TBCD: variants seen among roughly 807,000 people sequenced by gnomAD.
The protein encoded by TBCD is tubulin-specific chaperone D.
TBCD carries 105 observed loss-of-function variants against 169.3 expected under a neutral mutation model. That is an observed-to-expected ratio of 0.62 (90% CI 0.53 to 0.73). The LOEUF (loss-of-function observed/expected upper bound fraction) is 0.73. TBCD is among the 30% of genes least tolerant of loss of function. The pLI, the probability that TBCD is intolerant of heterozygous loss-of-function variation, is 0.00. For synonymous variants in TBCD, 700 were observed against 643.9 expected, an observed-to-expected ratio of 1.09 and a Z score of -1.32; for missense variants, 1,444 against 1,600.1, an observed-to-expected ratio of 0.90 and a Z score of 1.66.
intron 13 of TBCD, among the ~76,000 whole-genome samples, chr17:82,846,325 G>GTCCCCTGTGCTA (rs2055101768): frequency 1.4e-5 from 1 of 71,618 alleles, no homozygotes; most frequent in Admixed American, 1.6e-4. Flanking sequence ...CCAGCGTGCC[G>GTCCCCTGTGCTA]TGTCCTCTCG....
chr17:82,785,137 A>G (rs1438117678), intron 7 of TBCD, among the ~76,000 whole-genome samples: 3 of 95,996 alleles, frequency 3.1e-5, no homozygotes, highest in African/African-American at 5.1e-5. Flanking sequence ...ACTGGACCCC[A>G]CCCATCGCAG....
chr17:82,818,042 A>C (rs963851098), intron 13 of TBCD, among the ~76,000 whole-genome samples: 6 of 152,190 alleles, frequency 3.9e-5, no homozygotes, highest in Admixed American at 6.5e-5. Flanking sequence ...AAGAGACTCT[A>C]CTGGCTTGTG....
intron 20 of TBCD, 73 bp from the exon 21 acceptor site, chr17:82,907,688 C>T (rs2060346571): frequency 9.0e-6 from 14 of 1,550,642 alleles, no homozygotes; most frequent in Non-Finnish European, 1.2e-5. Flanking sequence ...AGTGTGGCCT[C>T]AGCTCCTCCG....
chr17:82,789,723 C>G lies in TBCD; in HGVS notation c.771+8002C>G, dbSNP rs1490937615. On this transcript the variant is annotated intron_variant, in intron 7 of 38. Coordinates refer to ENST00000355528, the MANE Select transcript of TBCD (RefSeq NM_005993.5). This position sits in a 1 kb window ranked among gnomAD's most constrained non-coding sequence, Gnocchi z 4.8. ...TTGGTCCTGGCTGTTGATATCTCAG[C>G]TCTGATTCACCCTTGACCTTTATTA... Among the ~76,000 whole-genome samples the G allele has an allele frequency of 6.6e-6, 1 of 152,232 alleles. No homozygotes were observed. The highest frequency in any genetic ancestry group is 1.5e-5 in the Non-Finnish European group (1 of 68,038).
chr17:82,932,897 C>G (rs1291047976), intron 34 of TBCD, 162 bp downstream of exon 34: 13 of 648,914 alleles, frequency 2.0e-5, no homozygotes, highest in Non-Finnish European at 3.5e-5. Flanking sequence ...ACAGCTGGCC[C>G]TCAAAATAAC....
chr17:82,755,997 C>G (rs1297891260), intron 1 of TBCD, among the ~76,000 whole-genome samples, 168 bp from the exon 2 acceptor site: 3 of 152,088 alleles, frequency 2.0e-5, no homozygotes, highest in Non-Finnish European at 4.4e-5. Flanking sequence ...GGCATTCCCT[C>G]CAGGTGGCCT....
intron 17 of TBCD, among the ~76,000 whole-genome samples, chr17:82,894,806 G>A (rs1599308819): frequency 1.3e-5 from 2 of 152,102 alleles, no homozygotes; most frequent in South Asian, 2.1e-4. Flanking sequence ...GTGAAACCCC[G>A]TGAATACTAA....
chr17:82,872,863 T>C (rs538691469), intron 14 of TBCD, among the ~76,000 whole-genome samples: 1 of 152,302 alleles, frequency 6.6e-6, no homozygotes, highest in East Asian at 1.9e-4. Flanking sequence ...GCCGAAGGCT[T>C]CTGAGCCAGG....
Position 82,944,599 on chromosome 17 carries a change from G to T in TBCD, c.*2136G>T, listed in dbSNP as rs147535107. 1 of 152,336 alleles carries T rather than the reference G, an allele frequency of 6.6e-6. No individual in the cohort carries two copies. Among genetic ancestry groups the T allele is most frequent in the African/African-American group, 2.4e-5 (1 of 41,578 alleles). 9.4% of individuals were successfully genotyped at this position (152,336 alleles called of 1,614,324 possible). A position where few individuals can be genotyped will look rare whatever the true frequency, so the allele number is the denominator to read the frequency against. On this transcript the variant is annotated 3_prime_UTR_variant, in exon 39 of 39. Coordinates refer to ENST00000355528, the MANE Select transcript of TBCD (RefSeq NM_005993.5). ...GAGGTCCAGACTGTGTCCAATGGCA[G>T]AAAAGAGAATGCTTGTGGTCCCAGA...
intron 13 of TBCD, among the ~76,000 whole-genome samples, chr17:82,855,032 C>T (rs1035105238): frequency 1.2e-4 from 19 of 152,012 alleles, no homozygotes; most frequent in East Asian, 1.9e-4. Flanking sequence ...ATTGGGGCGT[C>T]GCATCTCCCT....
In TBCD at chr17:82,915,591, A is replaced by T. The variant is rs1463951839; in HGVS notation, c.2038+3802A>T. Among the ~76,000 whole-genome samples, 1 of 152,208 alleles carries T rather than the reference A, an allele frequency of 6.6e-6. No individual in the cohort carries two copies. The highest frequency in any genetic ancestry group is 2.4e-5 in the African/African-American group (1 of 41,462). ...GCGATGAAGGAGGGGTTTGTCAGTC[A>T]GGGTGGACTGCGTTTTGCTCTTGAA... On this transcript the variant is annotated intron_variant, in intron 23 of 38. Transcript: ENST00000355528. This position sits in a 1 kb window ranked among gnomAD's most constrained non-coding sequence, Gnocchi z 4.3.
Position 82,776,453 on chromosome 17 carries a change from A to G in TBCD, c.638+3946A>G, listed in dbSNP as rs1028338650. 3.3e-5 allele frequency among the ~76,000 whole-genome samples: 5 copies of G among 152,214 alleles called. 1 individual carries two copies. The highest frequency in any genetic ancestry group is 1.2e-4 in the African/African-American group (5 of 41,454). ...TGAAACATAGAAGTTGGAAAAAGAT[A>G]TATAGGTAATTCTTATACACAGTGC... On this transcript the variant is annotated intron_variant, in intron 6 of 38. Transcript: ENST00000355528.
Position 82,870,253 on chromosome 17 carries a change from T to TA in TBCD, c.1349dup (p.Tyr450Ter). ...CGCCGTGATCCTGAAGGCGCTGACC[T>TA]ACGACGAGAAGCGGGGTGCCTGCAG... is the stretch of plus-strand genomic sequence containing the variant. ...VVAVILKALT[Y>*]DEKRGACSVG... is the part of the protein sequence containing the mutation. Residue 450 changes from tyrosine to a stop codon, truncating the protein, a stop_gained and frameshift_variant, in exon 14 of 39, where the codon TAC becomes TAAC. Transcript: ENST00000355528. LOFTEE classifies it high-confidence loss of function. The TA allele has an allele frequency of 6.2e-7, 1 of 1,613,418 alleles. No individual in the cohort carries two copies. Among genetic ancestry groups the TA allele is most frequent in the Non-Finnish European group, 8.5e-7 (1 of 1,179,870 alleles).
chr17:82,797,805 A>G lies in TBCD; in HGVS notation c.817+3A>G. 6 of 1,574,934 alleles carry G rather than the reference A, an allele frequency of 3.8e-6. No homozygotes were observed. The highest frequency in any genetic ancestry group is 5.1e-6 in the Non-Finnish European group (6 of 1,167,370). On this transcript the variant is annotated splice_donor_region_variant and intron_variant, in intron 8 of 38. Coordinates refer to ENST00000355528, the MANE Select transcript of TBCD (RefSeq NM_005993.5). ...ACGTGAAGACTGTTTGCCCTATGGT[A>G]AGGTTTATTTTTAAGAGACGATATC...
intron 13 of TBCD, among the ~76,000 whole-genome samples, chr17:82,818,398 C>G (rs1315058209): frequency 6.6e-6 from 1 of 152,120 alleles, no homozygotes; most frequent in African/African-American, 2.4e-5. Context: ...ATTTGATGAG[C>G]ATTTGCAGCA....
At chr17:82,866,953 T>G (rs1225192347) in intron 13 of TBCD, among the ~76,000 whole-genome samples, 1 of 152,232 alleles carries the variant, frequency 6.6e-6, no homozygotes, top group Non-Finnish European at 1.5e-5. Flanking sequence ...GAAGTGCTGA[T>G]CAGACTGAAG....
chr17:82,792,767 AT>A (rs1173836098), intron 7 of TBCD, among the ~76,000 whole-genome samples: 10 of 152,186 alleles, frequency 6.6e-5, no homozygotes, highest in Non-Finnish European at 1.0e-4. Context: ...AGATGTGATT[AT>A]TTCGATCATT....
At chr17:82,859,535 G>A (rs1265219061) in intron 13 of TBCD, 1 of 984,642 alleles carries the variant, frequency 1.0e-6, no homozygotes, top group Admixed American at 6.1e-5. Context: ...TGTTGGGTGA[G>A]CAGACACACA....
At chr17:82,761,891 A>C (rs2047777438) in intron 2 of TBCD, among the ~76,000 whole-genome samples, 1 of 150,886 alleles carries the variant, frequency 6.6e-6, no homozygotes, top group African/African-American at 2.4e-5. Flanking sequence ...ACACCCAGCT[A>C]ATTTTTTTTT....
Sources: gnomAD v4.1 joint callset for allele counts (sites outside exome capture counted in the v4.1 genomes callset) on GRCh38, gnomAD v4.1.1 for gene constraint, Gnocchi (gnomAD v3.1) non-coding constraint, MANE v1.5 for transcripts, NCBI Gene and HGNC (gene_info 2026-07-23, HGNC 2026-07-21) for gene names.